Variants in STRN observed in about 807,000 individuals in gnomAD.
STRN encodes the protein protein phosphatase 2 regulatory subunit B'''alpha.
Under a neutral mutation model 96.3 loss-of-function variants are expected in STRN, and 53 were observed. That is an observed-to-expected ratio of 0.55 (90% confidence interval 0.44 to 0.69). STRN has a LOEUF of 0.69. Ranked by LOEUF, STRN falls within the 30% of genes least tolerant of loss-of-function variation. STRN has a pLI of 0.00. For missense variants in STRN, 987 were observed against 963.9 expected, an observed-to-expected ratio of 1.02 and a Z score of -0.32; for synonymous variants, 428 against 355.9, an observed-to-expected ratio of 1.20 and a Z score of -2.28.
At chr2:36,945,190 T>C (rs1572693437) in intron 1 of STRN, among the ~76,000 whole-genome samples, 3 of 152,134 alleles carry the variant, frequency 2.0e-5, no homozygotes, top group South Asian at 4.1e-4. Context: ...AACAACGATA[T>C]TTTATAAAGA....
rs72873813 is a variant in STRN at position 36,904,322 on chromosome 2, T to A, written c.491+1218A>T. The stretch of plus-strand genomic sequence containing the variant: ...AGTAATAGCTGCTATACATCCACTT[T>A]GGAAACCTTGGGTTTAAACAACTTA... On this transcript the variant is annotated intron_variant, in intron 4 of 17. Transcript: ENST00000263918. 4.5e-3 allele frequency among the ~76,000 whole-genome samples: 687 copies of A among 152,320 alleles called. 2 individuals carry two copies. Among genetic ancestry groups the A allele is most frequent in the African/African-American group, 0.016 (645 of 41,578 alleles).
chr2:36,916,302 A>G, intron 2 of STRN, 151 bp from the exon 3 acceptor site: 2 of 656,100 alleles, frequency 3.0e-6, no homozygotes, highest in Non-Finnish European at 5.2e-6. Context: ...AAGTTATAAT[A>G]CAAAAGTGCT....
intron 1 of STRN, among the ~76,000 whole-genome samples, chr2:36,957,353 G>C (rs369065544): frequency 1.3e-5 from 2 of 152,144 alleles, no homozygotes; most frequent in Non-Finnish European, 2.9e-5. Context: ...TTTGGGAGGC[G>C]GAGGCGGGCA....
In STRN at chr2:36,867,836, T is replaced by C. The variant is rs754993693; in HGVS notation, c.1525A>G (p.Ile509Val). Residue 509 changes from isoleucine (I) to valine (V), a missense_variant, in exon 12 of 18, where the codon ATC (isoleucine) becomes GTC (valine). Coordinates refer to ENST00000263918, the MANE Select transcript of STRN (RefSeq NM_003162.4). ...KKSTSLDVEP[I>V]YTFRAHKGPV... The stretch of plus-strand genomic sequence containing the variant: ...TACTTATGGGCTCTGAATGTATAGA[T>C]AGGTTCTACATCAAGAGAAGTGCTC... The C allele has an allele frequency of 3.1e-6, 5 of 1,593,178 alleles. No individual in the cohort carries two copies. The African/African-American group carries it at 4.1e-5, about 13-fold the overall frequency.
chr2:36,961,897 G>C (rs1039498887), intron 1 of STRN, among the ~76,000 whole-genome samples: 2 of 151,964 alleles, frequency 1.3e-5, no homozygotes, highest in African/African-American at 4.8e-5. Flanking sequence ...TATTCCAAGC[G>C]TGCTCCCTTC....
intron 1 of STRN, among the ~76,000 whole-genome samples, chr2:36,927,049 A>G (rs1331846389): frequency 2.0e-5 from 3 of 152,196 alleles, no homozygotes. Context: ...TTTGAAGGTA[A>G]TAACAATATC....
chr2:36,948,081 C>CTTTTTTTTTTTTTT lies in STRN; in HGVS notation c.234+18135_234+18148dup, dbSNP rs553351693. On this transcript the variant is annotated intron_variant, in intron 1 of 17. Coordinates refer to ENST00000263918, the MANE Select transcript of STRN (RefSeq NM_003162.4). ...TCTCCTCTATAATTATCAGTGCACT[C>CTTTTTTTTTTTTTT]TTTTTTTTTTTTTTTTTTTTTTTTT... 1.8e-4 allele frequency among the ~76,000 whole-genome samples: 12 copies of CTTTTTTTTTTTTTT among 68,138 alleles called. 1 individual carries two copies. Among genetic ancestry groups the CTTTTTTTTTTTTTT allele is most frequent in the African/African-American group, 2.5e-4 (4 of 15,886 alleles). The allele number at this position is 68,138 out of a possible 152,430, so 44.7% of individuals were successfully genotyped here. A position where few individuals can be genotyped will look rare whatever the true frequency, so the allele number is the denominator to read the frequency against.
At chr2:36,964,650 AACTTC>A (rs1230755310) in intron 1 of STRN, among the ~76,000 whole-genome samples, 1 of 152,212 alleles carries the variant, frequency 6.6e-6, no homozygotes, top group Non-Finnish European at 1.5e-5. Context: ...GTCACTCCCT[AACTTC>A]ATTCAGCTGC....
At chr2:36,897,803 T>C (rs998196477) in intron 6 of STRN, among the ~76,000 whole-genome samples, 6 of 152,020 alleles carry the variant, frequency 3.9e-5, no homozygotes, top group African/African-American at 1.4e-4. Context: ...ATTCCTGGGC[T>C]CAAGCGATCC....
At position 36,931,873 on chromosome 2, in the gene STRN, G is replaced by T. The variant is rs137920945; in HGVS notation, c.235-6665C>A. Among the ~76,000 whole-genome samples the T allele has an allele frequency of 6.3e-3, 953 of 152,272 alleles. 10 individuals carry two copies. The highest frequency in any genetic ancestry group is 0.021 in the African/African-American group (857 of 41,550). ...AGACAGGGTCTCGCTCTGTTGCCCA[G>T]GCTGGAGTGCAGTCATAGCTCACAG... On this transcript the variant is annotated intron_variant, in intron 1 of 17. Coordinates refer to ENST00000263918, the MANE Select transcript of STRN (RefSeq NM_003162.4).
chr2:36,905,484 T>G (rs1161881447), intron 4 of STRN, 56 bp downstream of exon 4: 1 of 1,483,234 alleles, frequency 6.7e-7, no homozygotes, highest in Non-Finnish European at 9.4e-7. Flanking sequence ...AAAAATAACT[T>G]CATAAAACTG....
chr2:36,944,394 A>G (rs1670927302), intron 1 of STRN, among the ~76,000 whole-genome samples: 1 of 152,188 alleles, frequency 6.6e-6, no homozygotes, highest in South Asian at 2.1e-4. Context: ...TGGTAATCTC[A>G]TATAAACAAT....
chr2:36,926,796 A>AT (rs1310001093), intron 1 of STRN, among the ~76,000 whole-genome samples: 10 of 152,204 alleles, frequency 6.6e-5, no homozygotes, highest in Non-Finnish European at 1.3e-4. Flanking sequence ...AAAAGGCATC[A>AT]AATAACCACA....
intron 10 of STRN, among the ~76,000 whole-genome samples, chr2:36,873,993 C>T (rs1668833950): frequency 6.6e-6 from 1 of 150,572 alleles, no homozygotes; most frequent in African/African-American, 2.4e-5. Flanking sequence ...CTGTGGCTCA[C>T]ACCTATAATC....
chr2:36,957,433 C>A (rs955220210), intron 1 of STRN, among the ~76,000 whole-genome samples: 1 of 151,942 alleles, frequency 6.6e-6, no homozygotes, highest in African/African-American at 2.4e-5. Context: ...ACTAAAAATA[C>A]AAAAATTAGC....
chr2:36,948,850 G>C (rs1384969699), intron 1 of STRN, among the ~76,000 whole-genome samples: 1 of 152,158 alleles, frequency 6.6e-6, no homozygotes, highest in Non-Finnish European at 1.5e-5. Context: ...TTTGAATAAA[G>C]AATATATAAA....
intron 1 of STRN, among the ~76,000 whole-genome samples, chr2:36,932,806 T>C (rs765162089): frequency 2.0e-4 from 31 of 152,184 alleles, no homozygotes; most frequent in East Asian, 3.9e-4. Context: ...ATTACAAACA[T>C]AGATTTTCGT....
At chr2:36,940,077 T>G (rs1050523568) in intron 1 of STRN, among the ~76,000 whole-genome samples, 5 of 152,208 alleles carry the variant, frequency 3.3e-5, no homozygotes, top group African/African-American at 1.2e-4. Flanking sequence ...AAAATACTGA[T>G]AGTTTAATTT....
At chr2:36,918,892 A>G (rs1039592834) in intron 2 of STRN, among the ~76,000 whole-genome samples, 2 of 152,218 alleles carry the variant, frequency 1.3e-5, no homozygotes, top group African/African-American at 4.8e-5. Flanking sequence ...AATTCTGCCT[A>G]TAAGATAAAA....
Sources: allele counts gnomAD v4.1 joint callset (sites outside exome capture counted in the v4.1 genomes callset), GRCh38; gene constraint gnomAD v4.1.1; transcripts MANE v1.5; gene names NCBI Gene and HGNC (gene_info 2026-07-23, HGNC 2026-07-21).